The following DIP2C variants were observed in gnomAD, a reference collection of about 807,000 sequenced individuals.
DIP2C encodes disco-interacting protein 2 homolog C.
In DIP2C, 33 loss-of-function variants were observed where a neutral mutation model predicts 192.4. That is an observed-to-expected ratio of 0.17 (90% CI 0.13 to 0.23). DIP2C has a LOEUF of 0.23. Ranked by LOEUF, DIP2C falls within the 10% of genes least tolerant of loss-of-function variation. The pLI is 1.00. For synonymous variants in DIP2C, 979 were observed against 864.1 expected, an observed-to-expected ratio of 1.13 and a Z score of -2.33; for missense variants, 1,537 against 2,110.1, an observed-to-expected ratio of 0.73 and a Z score of 5.32.
rs541952272 is a variant in DIP2C at position 276,322 on chromosome 10, T to A, written c.*1003A>T. 3 of 152,644 alleles carry A rather than the reference T, an allele frequency of 2.0e-5. No homozygotes were observed. The highest frequency in any genetic ancestry group is 7.2e-5 in the African/African-American group (3 of 41,450). 9.5% of individuals were successfully genotyped at this position (152,644 alleles called of 1,614,324 possible). A position where few individuals can be genotyped will look rare whatever the true frequency, so the allele number is the denominator to read the frequency against. Reference sequence around the variant, plus strand: ...TGGTCTCTGGTTCTAGAAGAAACTTTTAGACAGGGCTCCTGCGGTCTGCGA... The same window carrying A: ...TGGTCTCTGGTTCTAGAAGAAACTTATAGACAGGGCTCCTGCGGTCTGCGA... On this transcript the variant is annotated 3_prime_UTR_variant, in exon 37 of 37. Transcript: ENST00000280886.
intron 10 of DIP2C, 105 bp downstream of exon 10, chr10:399,004 C>T (rs1207173435): frequency 3.0e-6 from 3 of 984,966 alleles, no homozygotes; most frequent in Non-Finnish European, 4.6e-6. Flanking sequence ...CCGAAGGAAA[C>T]CCAGGGCCCC....
At chr10:568,564 G>T (rs540761918) in intron 1 of DIP2C, among the ~76,000 whole-genome samples, 19 of 151,856 alleles carry the variant, frequency 1.3e-4, no homozygotes, top group African/African-American at 4.6e-4. Context: ...TCAGGAGATC[G>T]AGACCATCCT....
At chr10:288,792 G>A (rs1020836382) in intron 32 of DIP2C, among the ~76,000 whole-genome samples, 3 of 152,206 alleles carry the variant, frequency 2.0e-5, no homozygotes, top group South Asian at 4.1e-4. Context: ...CTCAAGCACC[G>A]ACGGCTGTCC....
intron 28 of DIP2C, among the ~76,000 whole-genome samples, chr10:344,416 G>A (rs552038284): frequency 3.0e-4 from 46 of 151,734 alleles, no homozygotes; most frequent in Non-Finnish European, 6.3e-4. Flanking sequence ...GGGTTTGCAC[G>A]GCACCTCGGC....
At chr10:470,431 CCT>C (rs971990710) in intron 3 of DIP2C, among the ~76,000 whole-genome samples, 2 of 152,156 alleles carry the variant, frequency 1.3e-5, no homozygotes, top group African/African-American at 2.4e-5. Context: ...CTGCCATGTG[CCT>C]CTCTCTTCCA....
intron 1 of DIP2C, among the ~76,000 whole-genome samples, chr10:550,005 GCT>G (rs1848503519): frequency 7.7e-6 from 1 of 129,484 alleles, no homozygotes; most frequent in Admixed American, 8.2e-5. Flanking sequence ...GGGACGTGTA[GCT>G]TTTTTTTTTT....
chr10:469,112 T>C (rs1159020201), intron 3 of DIP2C, among the ~76,000 whole-genome samples: 1 of 152,036 alleles, frequency 6.6e-6, no homozygotes, highest in Non-Finnish European at 1.5e-5. Flanking sequence ...GGGAGCAGAA[T>C]TGGAGACCAT....
chr10:344,470 G>T (rs1309576439), intron 28 of DIP2C, among the ~76,000 whole-genome samples: 1 of 152,142 alleles, frequency 6.6e-6, no homozygotes, highest in Non-Finnish European at 1.5e-5. Context: ...ATTTCTAATA[G>T]AGCCCAGGTT....
At chr10:309,970 G>T in intron 32 of DIP2C, 61 bp downstream of exon 32, 3 of 1,528,242 alleles carry the variant, frequency 2.0e-6, no homozygotes, top group Non-Finnish European at 2.7e-6. Flanking sequence ...AGACCTGCAT[G>T]CAAGGCCGCA....
intron 1 of DIP2C, among the ~76,000 whole-genome samples, chr10:589,618 T>TC (rs1353571430): frequency 6.6e-6 from 1 of 152,208 alleles, no homozygotes; most frequent in East Asian, 1.9e-4. Context: ...TCTTCTGGAC[T>TC]CCACTCTGTC....
chr10:487,526 G>A (rs2133562199), intron 1 of DIP2C, among the ~76,000 whole-genome samples: 1 of 131,210 alleles, frequency 7.6e-6, no homozygotes, highest in East Asian at 2.4e-4. Context: ...ACGGAGCCAA[G>A]AACCAAATGA....
chr10:545,554 TAC>T (rs1848240107), intron 1 of DIP2C, among the ~76,000 whole-genome samples: 1 of 152,174 alleles, frequency 6.6e-6, no homozygotes, highest in South Asian at 2.1e-4. Flanking sequence ...AGACGCCGTC[TAC>T]ACAGAATGGG....
Position 505,128 on chromosome 10 carries a change from A to C in DIP2C, c.86-18598T>G, listed in dbSNP as rs188296178. Among the ~76,000 whole-genome samples the C allele has an allele frequency of 4.5e-3, 687 of 152,278 alleles. 5 individuals carry two copies. The highest frequency in any genetic ancestry group is 0.016 in the African/African-American group (660 of 41,554). The stretch of plus-strand genomic sequence containing the variant: ...CCGGAACCGTGTGCATCTCCCCAAA[A>C]GAAAACTGTACAGAAAACGGCAACG... On this transcript the variant is annotated intron_variant, in intron 1 of 36. Coordinates refer to ENST00000280886, the MANE Select transcript of DIP2C (RefSeq NM_014974.3).
chr10:326,309 C>T (rs527762426), intron 31 of DIP2C, among the ~76,000 whole-genome samples: 36 of 152,218 alleles, frequency 2.4e-4, no homozygotes, highest in African/African-American at 6.7e-4. Context: ...CCTAGACAGG[C>T]GTGAAAAGGG....
At position 578,678 on chromosome 10, in the gene DIP2C, G is replaced by A. The variant is rs138337172; in HGVS notation, c.86-92148C>T. Among the ~76,000 whole-genome samples, 16 of 152,274 alleles carry A rather than the reference G, an allele frequency of 1.1e-4. No homozygotes were observed. In the East Asian group the frequency reaches 2.9e-3, roughly 28 times the overall value. On this transcript the variant is annotated intron_variant, in intron 1 of 36. Transcript: ENST00000280886. ...TCCCTGCAGGGGCCCTATTCCTGTT[G>A]CCATAGAGCACACACACATCTAGAT...
intron 34 of DIP2C, among the ~76,000 whole-genome samples, chr10:284,813 T>C (rs1955013202): frequency 6.6e-6 from 1 of 152,216 alleles, no homozygotes; most frequent in Admixed American, 6.5e-5. Flanking sequence ...TCATAATATG[T>C]ATATACATCA....
At chr10:366,499 A>G in intron 18 of DIP2C, 88 bp from the exon 19 acceptor site, 1 of 1,574,624 alleles carries the variant, frequency 6.4e-7, no homozygotes, top group Non-Finnish European at 8.6e-7. Flanking sequence ...TATGAACGAC[A>G]CCAGTGAACA....
At chr10:377,293 C>G (rs974513522) in intron 17 of DIP2C, among the ~76,000 whole-genome samples, 1 of 152,232 alleles carries the variant, frequency 6.6e-6, no homozygotes, top group African/African-American at 2.4e-5. Context: ...TGGGCTGGAA[C>G]TGGGGGGGAC....
intron 1 of DIP2C, among the ~76,000 whole-genome samples, chr10:524,927 G>A (rs1467986613): frequency 7.4e-6 from 1 of 134,944 alleles, no homozygotes; most frequent in Non-Finnish European, 1.5e-5. Flanking sequence ...GCAATTCAGA[G>A]GAGATGGTCT....
Sources: allele counts gnomAD v4.1 joint callset (sites outside exome capture counted in the v4.1 genomes callset), GRCh38; gene constraint gnomAD v4.1.1; transcripts MANE v1.5; gene names NCBI Gene and HGNC (gene_info 2026-07-23, HGNC 2026-07-21).